MARCO: variants seen among roughly 807,000 people sequenced by gnomAD.
MARCO encodes the protein macrophage receptor MARCO.
In MARCO, 72 loss-of-function variants were observed where a neutral mutation model predicts 70.0. That is an observed-to-expected ratio of 1.03 (90% CI 0.85 to 1.25). The LOEUF is 1.25. Ranked by LOEUF, MARCO falls within the 50% of genes most tolerant of loss-of-function variation. MARCO has a pLI of 0.00. For synonymous variants in MARCO, 273 were observed against 243.1 expected, an observed-to-expected ratio of 1.12 and a Z score of -1.14; for missense variants, 696 against 659.3, an observed-to-expected ratio of 1.06 and a Z score of -0.61.
intron 1 of MARCO, among the ~76,000 whole-genome samples, chr2:118,959,465 TA>T (rs1311359450): frequency 6.6e-6 from 1 of 151,844 alleles, no homozygotes; most frequent in Non-Finnish European, 1.5e-5. Context: ...ATGGCCATAA[TA>T]AAAAAAATCA....
At chr2:118,957,418 A>C (rs1679858158) in intron 1 of MARCO, among the ~76,000 whole-genome samples, 3 of 152,104 alleles carry the variant, frequency 2.0e-5, no homozygotes, top group Admixed American at 2.0e-4. Context: ...GGAAAAATAC[A>C]ACGTTCCTAG....
At chr2:118,945,269 C>T (rs1034740114) in intron 1 of MARCO, among the ~76,000 whole-genome samples, 2 of 152,086 alleles carry the variant, frequency 1.3e-5, no homozygotes, top group Non-Finnish European at 2.9e-5. Flanking sequence ...TGAAAATTAG[C>T]AATCTGTGTC....
chr2:118,945,901 C>T (rs145556357), intron 1 of MARCO, among the ~76,000 whole-genome samples: 1 of 152,112 alleles, frequency 6.6e-6, no homozygotes, highest in Non-Finnish European at 1.5e-5. Context: ...TCCTTTCTTC[C>T]CACCCTTAAC....
intron 4 of MARCO, 33 bp downstream of exon 4, chr2:118,971,567 C>G (rs746355220): frequency 3.7e-6 from 6 of 1,612,144 alleles, no homozygotes; most frequent in Non-Finnish European, 4.2e-6. Flanking sequence ...CCACCCTGCT[C>G]TTTCCCCAAA....
intron 12 of MARCO, 125 bp from the exon 13 acceptor site, chr2:118,990,464 G>A (rs1680599115): frequency 1.1e-6 from 1 of 889,904 alleles, no homozygotes; most frequent in East Asian, 2.5e-5. Flanking sequence ...AAACAATCGT[G>A]GAGAACCAAT....
intron 16 of MARCO, among the ~76,000 whole-genome samples, chr2:118,994,048 C>T (rs781734596): frequency 8.5e-5 from 13 of 152,172 alleles, no homozygotes; most frequent in African/African-American, 2.4e-4. Flanking sequence ...GGCAGGTGGA[C>T]GCAGCAGGAG....
intron 16 of MARCO, among the ~76,000 whole-genome samples, chr2:118,993,903 G>T (rs957790044): frequency 6.6e-6 from 1 of 152,156 alleles, no homozygotes; most frequent in Admixed American, 6.5e-5. Flanking sequence ...CTTTTCTCTG[G>T]CTATAGGATC....
At chr2:118,947,082 G>C (rs976640410) in intron 1 of MARCO, among the ~76,000 whole-genome samples, 6 of 151,958 alleles carry the variant, frequency 3.9e-5, no homozygotes, top group African/African-American at 1.5e-4. Context: ...TAGATATGTG[G>C]TTTGCACATA....
At chr2:118,970,985 T>G (rs375201211) in intron 3 of MARCO, among the ~76,000 whole-genome samples, 21 of 152,310 alleles carry the variant, frequency 1.4e-4, no homozygotes, top group African/African-American at 4.6e-4. Context: ...GGCTAGGTCC[T>G]GTGACCAAGG....
chr2:118,971,019 G>A (rs569878848), intron 3 of MARCO, among the ~76,000 whole-genome samples: 2 of 152,314 alleles, frequency 1.3e-5, no homozygotes, highest in South Asian at 4.1e-4. Flanking sequence ...CGGGACCCAG[G>A]AGGCCAATCC....
intron 8 of MARCO, among the ~76,000 whole-genome samples, chr2:118,979,195 T>C (rs1422485751): frequency 6.6e-6 from 1 of 152,168 alleles, no homozygotes; most frequent in East Asian, 1.9e-4. Flanking sequence ...AAAGGGCATT[T>C]GTGGGAAAGA....
At chr2:118,993,069 A>C in intron 15 of MARCO, 55 bp from the exon 16 acceptor site, 1 of 1,515,936 alleles carries the variant, frequency 6.6e-7, no homozygotes, top group South Asian at 1.1e-5. Context: ...GCCCGCACTT[A>C]CCCAAAGCCC....
chr2:118,959,830 T>C (rs1456331467), intron 1 of MARCO, among the ~76,000 whole-genome samples: 1 of 152,142 alleles, frequency 6.6e-6, no homozygotes. Context: ...CTGGATGAGA[T>C]TGGAGACTAT....
chr2:118,943,110 G>C (rs1296104995), intron 1 of MARCO, among the ~76,000 whole-genome samples: 1 of 152,152 alleles, frequency 6.6e-6, no homozygotes, highest in East Asian at 1.9e-4. Flanking sequence ...CTTCCAAGTT[G>C]ATCAGTCATT....
At chr2:118,945,362 C>T (rs1305385684) in intron 1 of MARCO, among the ~76,000 whole-genome samples, 2 of 151,212 alleles carry the variant, frequency 1.3e-5, no homozygotes, top group East Asian at 3.9e-4. Flanking sequence ...AAGACAAGCA[C>T]TTGTTAGGCT....
At position 118,970,153 on chromosome 2, in the gene MARCO, ATT is replaced by A. The variant is rs1300530709; in HGVS notation, c.241_242del (p.Phe81ProfsTer3). On this transcript the variant is annotated frameshift_variant, in exon 3 of 17. Transcript: ENST00000327097. LOFTEE classifies it high-confidence loss of function. ...GCGCGGCTCCGGGTCCTGGAGATGT[ATT>A]TCCTCAATGACACTCTGGCGGCTGA... 1 of 1,614,032 alleles carries A rather than the reference ATT, an allele frequency of 6.2e-7. No individual in the cohort carries two copies.
intron 8 of MARCO, among the ~76,000 whole-genome samples, chr2:118,980,333 T>G (rs973062178): frequency 1.1e-4 from 16 of 152,312 alleles, no homozygotes; most frequent in African/African-American, 3.6e-4. Context: ...TTTGTCTTCC[T>G]CAAGGAGCAG....
chr2:118,956,614 G>A (rs1679842412), intron 1 of MARCO, among the ~76,000 whole-genome samples: 2 of 152,056 alleles, frequency 1.3e-5, no homozygotes, highest in African/African-American at 2.4e-5. Context: ...AGAAACAATG[G>A]ATTTAAACTA....
At chr2:118,973,890 C>T (rs1234561406) in intron 4 of MARCO, among the ~76,000 whole-genome samples, 2 of 152,212 alleles carry the variant, frequency 1.3e-5, no homozygotes, top group Non-Finnish European at 2.9e-5. Flanking sequence ...TGAGAAGTCG[C>T]ATAGGCACTG....
Sources: allele counts gnomAD v4.1 joint callset (sites outside exome capture counted in the v4.1 genomes callset), GRCh38; gene constraint gnomAD v4.1.1; transcripts MANE v1.5; gene names NCBI Gene and HGNC (gene_info 2026-07-23, HGNC 2026-07-21).